BTC: variants seen among roughly 807,000 people sequenced by gnomAD.
The protein encoded by BTC is probetacellulin.
BTC carries 13 observed loss-of-function variants against 18.1 expected under a neutral mutation model. The ratio of observed to expected loss-of-function variants is 0.72; its 90% CI spans 0.47 to 1.14. The LOEUF is 1.14. BTC is among the 50% of genes most tolerant of loss of function. The pLI is 0.00. For synonymous variants in BTC, 83 were observed against 79.4 expected (o/e 1.05, Z -0.24); for missense variants, 247 against 224.2 (o/e 1.10, Z -0.65).
intron 1 of BTC, among the ~76,000 whole-genome samples, chr4:74,770,915 A>ATGTGTGTGTGTG (rs61202126): frequency 8.5e-5 from 12 of 141,886 alleles, no homozygotes; most frequent in African/African-American, 3.0e-4. Context: ...TATATCGTGT[A>ATGTGTGTGTGTG]TGTGTGTGTG....
At chr4:74,761,300 A>T (rs1304717575) in intron 2 of BTC, among the ~76,000 whole-genome samples, 1 of 152,178 alleles carries the variant, frequency 6.6e-6, no homozygotes, top group Admixed American at 6.5e-5. Flanking sequence ...TCCATGGCTC[A>T]TTCTCCTTTG....
At chr4:74,763,158 C>T (rs1262893966) in intron 2 of BTC, among the ~76,000 whole-genome samples, 1 of 151,958 alleles carries the variant, frequency 6.6e-6, no homozygotes, top group Non-Finnish European at 1.5e-5. Flanking sequence ...AGCCCATTTG[C>T]CCGAAAAAAT....
At chr4:74,761,706 T>G (rs1184277861) in intron 2 of BTC, among the ~76,000 whole-genome samples, 1 of 152,298 alleles carries the variant, frequency 6.6e-6, no homozygotes, top group East Asian at 1.9e-4. Context: ...CCGGCTGCAT[T>G]CAAAATACAT....
At chr4:74,757,913 C>A (rs6532367) in intron 2 of BTC, among the ~76,000 whole-genome samples, 65,367 of 152,050 alleles carry the variant, frequency 0.43, 14,313 homozygotes, top group East Asian at 0.62. Flanking sequence ...GGTGCAGATA[C>A]AAAGGATATG....
intron 1 of BTC, among the ~76,000 whole-genome samples, chr4:74,783,437 C>T (rs1398996534): frequency 6.6e-6 from 1 of 152,004 alleles, no homozygotes; most frequent in Non-Finnish European, 1.5e-5. Context: ...TCTGAGTTCC[C>T]TATTCTCTTC....
chr4:74,755,973 G>A lies in BTC; in HGVS notation c.167C>T (p.Thr56Ile). 7 of 1,613,168 alleles carry A rather than the reference G, an allele frequency of 4.3e-6. No individual in the cohort carries two copies. Among genetic ancestry groups the A allele is most frequent in the South Asian group, 1.1e-5 (1 of 91,054 alleles). Residue 56 changes from threonine (T) to isoleucine (I), a missense_variant, in exon 3 of 6, where the codon ACC becomes ATC. Thr to Ile is a moderately conservative substitution (Grantham distance 89, BLOSUM62 -1). Transcript: ENST00000395743. ...GCCTTTCCGCTTTGATTGTGTGGTG[G>A]TAGCTGGAAAATGAGAAAAAGTTCA... is the stretch of plus-strand genomic sequence containing the variant. ...CGDPEENCAATTTQSKRKGHF... is the reference protein window; with the variant it reads ...CGDPEENCAAITTQSKRKGHF...
At chr4:74,755,411 G>A (rs782766292) in intron 3 of BTC, among the ~76,000 whole-genome samples, 14 of 152,168 alleles carry the variant, frequency 9.2e-5, no homozygotes, top group Non-Finnish European at 1.8e-4. Flanking sequence ...AACAGGCTTC[G>A]CTAATCTCTT....
At chr4:74,766,197 C>T (rs957557630) in intron 2 of BTC, among the ~76,000 whole-genome samples, 2 of 151,900 alleles carry the variant, frequency 1.3e-5, no homozygotes, top group South Asian at 2.1e-4. Flanking sequence ...AACATGATGG[C>T]CTAGGACGTT....
chr4:74,752,465 G>A (rs1024941364), intron 3 of BTC, among the ~76,000 whole-genome samples: 1 of 147,192 alleles, frequency 6.8e-6, no homozygotes, highest in Non-Finnish European at 1.5e-5. Context: ...TGCAACCTCC[G>A]TCTCCCGGGT....
chr4:74,756,419 G>A (rs1724600817), intron 2 of BTC, among the ~76,000 whole-genome samples: 1 of 152,064 alleles, frequency 6.6e-6, no homozygotes, highest in Admixed American at 6.6e-5. Flanking sequence ...TTTGCTTCTT[G>A]TATATTATTC....
intron 1 of BTC, among the ~76,000 whole-genome samples, chr4:74,793,561 A>T (rs1349633): frequency 0.54 from 82,667 of 151,964 alleles, 23,761 homozygotes; most frequent in African/African-American, 0.73. Flanking sequence ...GCAGAGAGCA[A>T]GCTTTGAAGA....
intron 3 of BTC, among the ~76,000 whole-genome samples, chr4:74,754,849 G>A (rs1553956524): frequency 1.3e-5 from 2 of 151,832 alleles, no homozygotes; most frequent in South Asian, 2.1e-4. Flanking sequence ...TTGGGTTAAA[G>A]ATCATTAATA....
At chr4:74,776,570 C>T (rs892839109) in intron 1 of BTC, among the ~76,000 whole-genome samples, 5 of 152,040 alleles carry the variant, frequency 3.3e-5, no homozygotes, top group African/African-American at 1.2e-4. Context: ...GTATTATCCC[C>T]ATCAGTCAGC....
chr4:74,767,157 T>C (rs1724922379), intron 2 of BTC, among the ~76,000 whole-genome samples: 1 of 149,588 alleles, frequency 6.7e-6, no homozygotes, highest in African/African-American at 2.5e-5. Context: ...GACATGATCC[T>C]ATACATAAAA....
chr4:74,750,681 ACT>A lies in BTC; in HGVS notation c.318_319del (p.Arg106SerfsTer2), dbSNP rs1724436098. 3 of 1,613,858 alleles carry A rather than the reference ACT, an allele frequency of 1.9e-6. No homozygotes were observed. Among genetic ancestry groups the A allele is most frequent in the Non-Finnish European group, 2.5e-6 (3 of 1,179,916 alleles). On this transcript the variant is annotated frameshift_variant, in exon 4 of 6. Transcript: ENST00000395743. LOFTEE classifies it high-confidence loss of function. ...GTCTCCTCTTAGGTAAAACAAGTCA[ACT>A]CTCTCACACCTTGCTCCAATGTAGC...
chr4:74,770,274 T>A, intron 1 of BTC, 118 bp from the exon 2 acceptor site: 1 of 777,842 alleles, frequency 1.3e-6, no homozygotes, highest in Non-Finnish European at 2.0e-6. Flanking sequence ...TGGTTTCCAT[T>A]TCCAAGTCAC....
At chr4:74,778,047 T>A (rs1004420394) in intron 1 of BTC, among the ~76,000 whole-genome samples, 2 of 150,430 alleles carry the variant, frequency 1.3e-5, no homozygotes, top group East Asian at 3.9e-4. Context: ...AAAAAAAAAA[T>A]AGGGAGTGAA....
chr4:74,770,915 A>ATGTGTG (rs61202126), intron 1 of BTC, among the ~76,000 whole-genome samples: 88 of 141,982 alleles, frequency 6.2e-4, no homozygotes, highest in African/African-American at 1.8e-3. Flanking sequence ...TATATCGTGT[A>ATGTGTG]TGTGTGTGTG....
intron 1 of BTC, among the ~76,000 whole-genome samples, chr4:74,783,002 C>G (rs1251895359): frequency 2.0e-5 from 3 of 152,074 alleles, no homozygotes; most frequent in Non-Finnish European, 2.9e-5. Context: ...GATATTAGAC[C>G]TTTGTCAGAT....
Sources: allele counts gnomAD v4.1 joint callset (sites outside exome capture counted in the v4.1 genomes callset), GRCh38; gene constraint gnomAD v4.1.1; transcripts MANE v1.5; gene names NCBI Gene and HGNC (gene_info 2026-07-23, HGNC 2026-07-21).